NOP58: variants seen among roughly 807,000 people sequenced by gnomAD.
The protein encoded by NOP58 is nucleolar protein 58.
In NOP58, 44 loss-of-function variants were observed where a neutral mutation model predicts 71.2. That is an observed-to-expected ratio of 0.62 (90% CI 0.49 to 0.79). The LOEUF (loss-of-function observed/expected upper bound fraction) is 0.79. Among genes scored for constraint, NOP58 ranks in the 30% least tolerant of loss-of-function variants. NOP58 has a pLI of 0.00. For missense variants in NOP58, 538 were observed against 620.2 expected (o/e 0.87, Z 1.41); for synonymous variants, 228 against 200.3 (o/e 1.14, Z -1.17).
chr2:202,278,456 G>A (rs1268219966), intron 3 of NOP58: 1 of 335,500 alleles, frequency 3.0e-6, no homozygotes, highest in South Asian at 2.4e-5. Context: ...TAGATTTTTA[G>A]TTCAAAAAAA....
chr2:202,298,783 T>G (rs1431382306), intron 12 of NOP58, among the ~76,000 whole-genome samples: 1 of 152,118 alleles, frequency 6.6e-6, no homozygotes, highest in African/African-American at 2.4e-5. Flanking sequence ...GAGGGGTATT[T>G]GGGTTATTAT....
chr2:202,275,321 G>A, intron 2 of NOP58, 132 bp downstream of exon 2: 1 of 582,862 alleles, frequency 1.7e-6, no homozygotes, highest in Non-Finnish European at 3.1e-6. Flanking sequence ...GAATAATTTT[G>A]GTATGAACCT....
At chr2:202,292,743 G>A in intron 8 of NOP58, 34 bp from the exon 9 acceptor site, 2 of 1,566,344 alleles carry the variant, frequency 1.3e-6, no homozygotes, top group Non-Finnish European at 1.8e-6. Context: ...TTACTCATAT[G>A]ATATTTGTGA....
rs373652176 is a variant in NOP58, at chr2:202,300,482, G to A, written c.1402+115G>A. 7.3e-5 allele frequency: 57 copies of A among 777,972 alleles called. 1 individual carries two copies. Among genetic ancestry groups the A allele is most frequent in the South Asian group, 5.5e-4 (28 of 51,134 alleles). 48.2% of individuals were successfully genotyped at this position (777,972 alleles called of 1,614,324 possible). On this transcript the variant is annotated intron_variant, in intron 13 of 14. Transcript: ENST00000264279. ...TTTATTATAAAACTGCTCATTGAAC[G>A]CTAATGGTGTTTTAATAATGCCATT...
At chr2:202,296,717 T>TGTTTG (rs1553573750) in intron 10 of NOP58, among the ~76,000 whole-genome samples, 11 of 149,080 alleles carry the variant, frequency 7.4e-5, no homozygotes, top group Non-Finnish European at 1.3e-4. Flanking sequence ...CCACGCTTTT[T>TGTTTG]TTTGTTTGTT....
intron 1 of NOP58, among the ~76,000 whole-genome samples, chr2:202,267,415 A>T (rs1688436008): frequency 6.6e-6 from 1 of 152,328 alleles, no homozygotes; most frequent in African/African-American, 2.4e-5. Flanking sequence ...CAATAAAATC[A>T]TTAAAACCGA....
At chr2:202,300,983 T>A (rs141611385) in intron 13 of NOP58, among the ~76,000 whole-genome samples, 2 of 152,324 alleles carry the variant, frequency 1.3e-5, no homozygotes, top group Admixed American at 1.3e-4. Flanking sequence ...CAAAAGTATA[T>A]GATCTACAAA....
intron 10 of NOP58, among the ~76,000 whole-genome samples, chr2:202,296,403 A>T (rs1164121278): frequency 6.6e-6 from 1 of 152,062 alleles, no homozygotes; most frequent in Non-Finnish European, 1.5e-5. Flanking sequence ...CAGTTTCACC[A>T]TGTTGGCCAG....
chr2:202,291,391 T>C (rs1688891845), intron 8 of NOP58, 121 bp downstream of exon 8: 2 of 677,570 alleles, frequency 3.0e-6, no homozygotes, highest in South Asian at 2.5e-5. Flanking sequence ...AATATGAGGG[T>C]GTTCAGTCAC....
chr2:202,277,956 G>A lies in NOP58; in HGVS notation c.129G>A (p.Lys43=). 1 of 1,494,874 alleles carries A rather than the reference G, an allele frequency of 6.7e-7. No homozygotes were observed. Among genetic ancestry groups the A allele is most frequent in the Non-Finnish European group, 9.2e-7 (1 of 1,082,148 alleles). The allele number at this position is 1,494,874 out of a possible 1,614,324, so 92.6% of individuals were successfully genotyped here. A position where few individuals can be genotyped will look rare whatever the true frequency, so the allele number is the denominator to read the frequency against. Residue 43 remains lysine (K), a synonymous_variant, in exon 3 of 15, where the codon AAG becomes AAA. Transcript: ENST00000264279. The stretch of plus-strand genomic sequence containing the variant: ...CTTTTTTTTTTAATTCTAGAGTAAA[G>A]CTAAAACATTTTGAGAAATTTCAGG... ...ETPEKANKIV[K]LKHFEKFQDT...
intron 1 of NOP58, among the ~76,000 whole-genome samples, chr2:202,267,140 T>G (rs1688430742): frequency 6.6e-6 from 1 of 152,180 alleles, no homozygotes; most frequent in African/African-American, 2.4e-5. Flanking sequence ...GTGCCTTTTC[T>G]TGTGCGGTGC....
At chr2:202,283,033 G>A (rs1574381386) in intron 4 of NOP58, among the ~76,000 whole-genome samples, 1 of 152,094 alleles carries the variant, frequency 6.6e-6, no homozygotes, top group Non-Finnish European at 1.5e-5. Flanking sequence ...CTAACACAGT[G>A]AAACCCTGTC....
chr2:202,280,471 T>A (rs1688681537), intron 3 of NOP58, among the ~76,000 whole-genome samples: 1 of 152,086 alleles, frequency 6.6e-6, no homozygotes, highest in Admixed American at 6.6e-5. Context: ...TAGCTGAGAT[T>A]ACAGGTGATA....
chr2:202,275,096 T>G lies in NOP58; in HGVS notation c.46-17T>G. The stretch of plus-strand genomic sequence containing the variant: ...CCTGTACCATTTAAATAAAACTATT[T>G]AAACATTTTATTACAGGTTCTAAAT... On this transcript the variant is annotated splice_polypyrimidine_tract_variant and intron_variant, in intron 1 of 14. Transcript: ENST00000264279. 1 of 1,309,642 alleles carries G rather than the reference T, an allele frequency of 7.6e-7. No individual in the cohort carries two copies. Among genetic ancestry groups the G allele is most frequent in the East Asian group, 2.3e-5 (1 of 43,400 alleles). The allele number at this position is 1,309,642 out of a possible 1,614,324, so 81.1% of individuals were successfully genotyped here.
At chr2:202,298,462 C>G (rs374209837) in intron 12 of NOP58, among the ~76,000 whole-genome samples, 13 of 152,068 alleles carry the variant, frequency 8.5e-5, no homozygotes, top group African/African-American at 2.9e-4. Flanking sequence ...ACAGGCCTGG[C>G]CAACATGGTG....
At chr2:202,272,399 C>T (rs553211496) in intron 1 of NOP58, among the ~76,000 whole-genome samples, 1 of 152,182 alleles carries the variant, frequency 6.6e-6, no homozygotes, top group African/African-American at 2.4e-5. Context: ...CGTGATTCGC[C>T]CGCCTCAGCC....
chr2:202,283,069 C>T (rs1688731047), intron 4 of NOP58, among the ~76,000 whole-genome samples: 1 of 152,036 alleles, frequency 6.6e-6, no homozygotes. Context: ...GAAAATTAAC[C>T]GGGTGTGGTG....
chr2:202,296,511 G>C (rs1048602760), intron 10 of NOP58, among the ~76,000 whole-genome samples: 1 of 152,004 alleles, frequency 6.6e-6, no homozygotes, highest in Non-Finnish European at 1.5e-5. Flanking sequence ...TAAATCTTCA[G>C]TAGCCTTATG....
chr2:202,271,500 G>C, intron 1 of NOP58, among the ~76,000 whole-genome samples: 1 of 152,202 alleles, frequency 6.6e-6, no homozygotes, highest in South Asian at 2.1e-4. Context: ...CAGGGAGGTG[G>C]AGGTTGTAGT....
Sources: allele counts gnomAD v4.1 joint callset (sites outside exome capture counted in the v4.1 genomes callset), GRCh38; gene constraint gnomAD v4.1.1; transcripts MANE v1.5; gene names NCBI Gene and HGNC (gene_info 2026-07-23, HGNC 2026-07-21).